The following FNIP1 variants were observed in gnomAD, a reference collection of about 807,000 sequenced individuals.
The protein encoded by FNIP1 is folliculin interacting protein 1, also known as folliculin-interacting protein 1.
FNIP1 carries 40 observed loss-of-function variants against 124.5 expected under a neutral mutation model. That is an observed-to-expected ratio of 0.32 (90% CI 0.25 to 0.42). FNIP1 has a LOEUF of 0.42. FNIP1 is among the 10% of genes least tolerant of loss of function. FNIP1 has a pLI of 1.00. For missense variants in FNIP1, 1,176 were observed against 1,403.7 expected, an observed-to-expected ratio of 0.84 and a Z score of 2.59; for synonymous variants, 472 against 470.6, an observed-to-expected ratio of 1.00 and a Z score of -0.04.
chr5:131,651,376 G>T (rs1018025652), intron 16 of FNIP1, among the ~76,000 whole-genome samples: 1 of 152,078 alleles, frequency 6.6e-6, no homozygotes, highest in Admixed American at 6.5e-5. Context: ...CCAGGTGATG[G>T]GATTAAGACA....
intron 1 of FNIP1, among the ~76,000 whole-genome samples, chr5:131,750,753 C>T (rs1770846905): frequency 6.6e-6 from 1 of 151,880 alleles, no homozygotes; most frequent in Non-Finnish European, 1.5e-5. Context: ...GCTGAGATTA[C>T]AGGTATGTGC....
At chr5:131,669,304 G>T (rs1767685258) in intron 15 of FNIP1, among the ~76,000 whole-genome samples, 1 of 152,080 alleles carries the variant, frequency 6.6e-6, no homozygotes, top group Admixed American at 6.5e-5. Flanking sequence ...CTAATCTTCT[G>T]GAAACTCTTC....
At chr5:131,740,621 A>G (rs903286611) in intron 2 of FNIP1, among the ~76,000 whole-genome samples, 1 of 152,238 alleles carries the variant, frequency 6.6e-6, no homozygotes, top group African/African-American at 2.4e-5. Context: ...GTTAGTGTTC[A>G]TATCGAAACC....
chr5:131,701,659 A>C (rs138283661), intron 10 of FNIP1, among the ~76,000 whole-genome samples: 113 of 152,358 alleles, frequency 7.4e-4, no homozygotes, highest in South Asian at 6.2e-3. Flanking sequence ...ATCCTTAGTC[A>C]CTAATGAGTT....
At chr5:131,700,515 C>G (rs191560725) in intron 10 of FNIP1, among the ~76,000 whole-genome samples, 4 of 152,122 alleles carry the variant, frequency 2.6e-5, no homozygotes, top group Admixed American at 2.6e-4. Context: ...TCCTGTACAC[C>G]CAAAAGCTTC....
chr5:131,756,160 GA>G (rs1771045199), intron 1 of FNIP1, among the ~76,000 whole-genome samples: 1 of 152,186 alleles, frequency 6.6e-6, no homozygotes, highest in Admixed American at 6.5e-5. Context: ...AGTTTCAGTG[GA>G]GGCAGTGGGG....
chr5:131,651,334 A>T (rs887824395), intron 16 of FNIP1, among the ~76,000 whole-genome samples: 5 of 152,236 alleles, frequency 3.3e-5, no homozygotes, highest in African/African-American at 9.6e-5. Context: ...TTGAGGCTGC[A>T]GTGAGCCAAG....
chr5:131,717,420 C>A (rs142258163), intron 5 of FNIP1, among the ~76,000 whole-genome samples: 1 of 152,006 alleles, frequency 6.6e-6, no homozygotes, highest in African/African-American at 2.4e-5. Context: ...CAAGTCTTTG[C>A]GCCAAAAAAT....
rs958491403 is a variant in FNIP1, at chr5:131,777,985, A to G, written c.92+18845T>C. Among the ~76,000 whole-genome samples the G allele has an allele frequency of 2.6e-5, 4 of 152,286 alleles. No individual in the cohort carries two copies. In the South Asian group the frequency reaches 8.3e-4, roughly 32 times the overall value. ...TGAATGGTTGATAGGCAACCCTATA[A>G]TGGCAGGATCAGGTTGACACCCCAT... On this transcript the variant is annotated intron_variant, in intron 1 of 17. Coordinates refer to ENST00000510461, the MANE Select transcript of FNIP1 (RefSeq NM_133372.3).
At chr5:131,732,563 C>T (rs1359046460) in intron 2 of FNIP1, among the ~76,000 whole-genome samples, 2 of 152,138 alleles carry the variant, frequency 1.3e-5, no homozygotes, top group African/African-American at 4.8e-5. Context: ...GCCAGTTTTC[C>T]CAGCACCATT....
chr5:131,761,238 C>G (rs1158522622), intron 1 of FNIP1, among the ~76,000 whole-genome samples: 1 of 152,256 alleles, frequency 6.6e-6, no homozygotes, highest in African/African-American at 2.4e-5. Flanking sequence ...TCATCATTCC[C>G]TCTGTAAAAC....
intron 11 of FNIP1, among the ~76,000 whole-genome samples, chr5:131,691,540 C>T (rs891497560): frequency 1.4e-4 from 21 of 152,142 alleles, no homozygotes; most frequent in African/African-American, 4.8e-4. Flanking sequence ...CAAAACCAAA[C>T]GCTGGTTCTC....
intron 11 of FNIP1, among the ~76,000 whole-genome samples, chr5:131,695,647 GC>G (rs1768668765): frequency 6.6e-6 from 1 of 152,146 alleles, no homozygotes; most frequent in Admixed American, 6.5e-5. Context: ...ATCTTCCGAG[GC>G]CTGGCAGGAA....
chr5:131,739,744 C>T lies in FNIP1; in HGVS notation c.219+4820G>A, dbSNP rs577237860. On this transcript the variant is annotated intron_variant, in intron 2 of 17. Transcript: ENST00000510461. Reference sequence around the variant, plus strand: ...AGGAGAATGGCGTGAACCCAGGAGGCGGAGCTTGTAGTGAGCTGAGATTGC... The same window carrying T: ...AGGAGAATGGCGTGAACCCAGGAGGTGGAGCTTGTAGTGAGCTGAGATTGC... 1.4e-4 allele frequency among the ~76,000 whole-genome samples: 18 copies of T among 131,758 alleles called. 2 individuals are homozygous for T. The Middle Eastern group carries it at 0.032, about 231-fold the overall frequency. 86.4% of individuals were successfully genotyped at this position (131,758 alleles called of 152,430 possible).
intron 1 of FNIP1, among the ~76,000 whole-genome samples, chr5:131,746,306 T>C (rs1352195395): frequency 1.3e-5 from 2 of 152,180 alleles, no homozygotes; most frequent in Non-Finnish European, 2.9e-5. Context: ...AGGGGGTACA[T>C]GTGGTGCAAG....
At chr5:131,680,478 T>C (rs545648690) in intron 11 of FNIP1, among the ~76,000 whole-genome samples, 1 of 152,234 alleles carries the variant, frequency 6.6e-6, no homozygotes, top group Non-Finnish European at 1.5e-5. Context: ...TAGGCATATA[T>C]GAAAATGTTT....
chr5:131,767,593 C>G (rs3775994), intron 1 of FNIP1, among the ~76,000 whole-genome samples: 1 of 151,800 alleles, frequency 6.6e-6, no homozygotes, highest in Non-Finnish European at 1.5e-5. Context: ...ACAAATTAAC[C>G]TAAATACCAT....
At chr5:131,686,175 CT>C (rs902513677) in intron 11 of FNIP1, among the ~76,000 whole-genome samples, 4 of 152,306 alleles carry the variant, frequency 2.6e-5, no homozygotes, top group Admixed American at 2.6e-4. Context: ...TATATAATCA[CT>C]CTGAAGAATC....
At position 131,672,424 on chromosome 5, in the gene FNIP1, A is replaced by T; in HGVS notation, c.2020T>A (p.Phe674Ile). 1.2e-6 allele frequency: 2 copies of T among 1,613,920 alleles called. No homozygotes were observed. Among genetic ancestry groups the T allele is most frequent in the South Asian group, 2.2e-5 (2 of 91,084 alleles). Residue 674 changes from phenylalanine to isoleucine, a missense_variant, in exon 14 of 18, where the codon TTT becomes ATT. By Grantham distance (21) the Phe-to-Ile change is conservative (BLOSUM62 0). Around this residue, in one of 2 missense-constraint regions of FNIP1, gnomAD observed 1,109 missense variants for 1,288.5 expected, o/e 0.86. Transcript: ENST00000510461. ...ACAACTGTCTCTAACTTGGCGTCAA[A>T]GCAAGTTCTTAATTTATCTCTGTAC... Reference protein sequence around the residue: ...KQYRDKLRTCFDAKLETVVCT... With the variant: ...KQYRDKLRTCIDAKLETVVCT...
Sources: gnomAD v4.1 joint callset for allele counts (sites outside exome capture counted in the v4.1 genomes callset) on GRCh38, gnomAD v4.1.1 for gene constraint, gnomAD v4.1.1 regional missense constraint, MANE v1.5 for transcripts, NCBI Gene and HGNC (gene_info 2026-07-23, HGNC 2026-07-21) for gene names.